CCDC85A: variants seen among roughly 807,000 people sequenced by gnomAD.
The protein encoded by CCDC85A is coiled-coil domain containing 85A, also known as coiled-coil domain-containing protein 85A.
In CCDC85A, 38 loss-of-function variants were observed where a neutral mutation model predicts 50.2. The ratio of observed to expected loss-of-function variants is 0.76; its 90% confidence interval spans 0.58 to 0.99. The LOEUF is 0.99. Among genes scored for constraint, CCDC85A ranks in the 50% least tolerant of loss-of-function variants. The probability of loss-of-function intolerance (pLI) is 0.00; values close to 1 mark genes in which losing one functional copy is unlikely to be tolerated. For synonymous variants in CCDC85A, 366 were observed against 301.4 expected (o/e 1.21, Z -2.22); for missense variants, 820 against 742.0 (o/e 1.11, Z -1.22).
At chr2:56,330,375 C>T (rs1191303942) in intron 2 of CCDC85A, among the ~76,000 whole-genome samples, 1 of 152,158 alleles carries the variant, frequency 6.6e-6, no homozygotes, top group Non-Finnish European at 1.5e-5. Flanking sequence ...CTGAGCCAGA[C>T]TTCTGTTTAG....
chr2:56,354,867 T>G (rs957187225), intron 3 of CCDC85A, among the ~76,000 whole-genome samples: 6 of 152,194 alleles, frequency 3.9e-5, no homozygotes, highest in Admixed American at 6.5e-5. Flanking sequence ...ACATCAATAA[T>G]CAATGGAGTC....
At chr2:56,222,146 A>G (rs1183337642) in intron 2 of CCDC85A, among the ~76,000 whole-genome samples, 5 of 152,134 alleles carry the variant, frequency 3.3e-5, no homozygotes, top group Admixed American at 6.6e-5. Context: ...TATGGGGGAC[A>G]TATTCTAACC....
chr2:56,291,015 T>A (rs1490254331), intron 2 of CCDC85A, among the ~76,000 whole-genome samples: 2 of 152,180 alleles, frequency 1.3e-5, no homozygotes, highest in African/African-American at 4.8e-5. Context: ...ACCATGTAAC[T>A]CTTTTGGGGG....
chr2:56,372,233 CA>C, intron 3 of CCDC85A, 110 bp from the exon 4 acceptor site: 11 of 1,063,084 alleles, frequency 1.0e-5, no homozygotes, highest in Non-Finnish European at 1.4e-5. Flanking sequence ...TACAGCTTGC[CA>C]TTGTGGTCAT....
At chr2:56,306,593 C>G (rs1424322286) in intron 2 of CCDC85A, among the ~76,000 whole-genome samples, 1 of 152,122 alleles carries the variant, frequency 6.6e-6, no homozygotes, top group Non-Finnish European at 1.5e-5. Flanking sequence ...GTTGTATAAG[C>G]AGTTATGTCA....
chr2:56,254,618 C>T (rs1212721606), intron 2 of CCDC85A, among the ~76,000 whole-genome samples: 4 of 151,148 alleles, frequency 2.6e-5, no homozygotes, highest in South Asian at 2.1e-4. Flanking sequence ...CGCATGGTGT[C>T]CCTGATCTCA....
chr2:56,261,385 A>C (rs534823683), intron 2 of CCDC85A, among the ~76,000 whole-genome samples: 2 of 152,348 alleles, frequency 1.3e-5, no homozygotes, highest in East Asian at 3.9e-4. Flanking sequence ...ACTCTGGCAC[A>C]GCCCTGCTGC....
intron 2 of CCDC85A, among the ~76,000 whole-genome samples, chr2:56,252,681 A>G (rs1364185916): frequency 6.6e-6 from 1 of 152,042 alleles, no homozygotes; most frequent in Non-Finnish European, 1.5e-5. Context: ...TCCTAATGTT[A>G]TCCCTCCTCG....
chr2:56,196,919 C>T (rs867416765), intron 2 of CCDC85A, among the ~76,000 whole-genome samples: 1 of 151,120 alleles, frequency 6.6e-6, no homozygotes, highest in Non-Finnish European at 1.5e-5. Flanking sequence ...GTTTAATTAT[C>T]CTGGTGGGTC....
intron 2 of CCDC85A, among the ~76,000 whole-genome samples, chr2:56,299,962 G>T (rs1672126082): frequency 1.3e-5 from 2 of 152,244 alleles, no homozygotes; most frequent in South Asian, 4.1e-4. Context: ...ATGTGTAGTA[G>T]GCCCTGTTCT....
intron 2 of CCDC85A, among the ~76,000 whole-genome samples, chr2:56,297,079 T>G (rs1671984228): frequency 6.6e-6 from 1 of 152,212 alleles, no homozygotes. Context: ...TTGCAAGCAC[T>G]GCTTTTTTCT....
intron 1 of CCDC85A, 156 bp downstream of exon 1, chr2:56,185,056 A>G: frequency 1.1e-6 from 1 of 882,326 alleles, no homozygotes; most frequent in Non-Finnish European, 1.6e-6. Flanking sequence ...GCCCCTGTGT[A>G]ACTTTTCCAA....
At chr2:56,314,927 G>T (rs1017542601) in intron 2 of CCDC85A, among the ~76,000 whole-genome samples, 15 of 152,098 alleles carry the variant, frequency 9.9e-5, no homozygotes, top group Admixed American at 9.2e-4. Flanking sequence ...AGAGGAAAGG[G>T]TGTGGATAGA....
intron 2 of CCDC85A, among the ~76,000 whole-genome samples, chr2:56,307,632 G>A (rs1383709061): frequency 6.6e-6 from 1 of 152,050 alleles, no homozygotes; most frequent in Non-Finnish European, 1.5e-5. Context: ...TATCCTTATA[G>A]TAATTCCACA....
chr2:56,201,800 T>G (rs1676758529), intron 2 of CCDC85A, among the ~76,000 whole-genome samples: 2 of 152,260 alleles, frequency 1.3e-5, no homozygotes, highest in East Asian at 3.9e-4. Flanking sequence ...GAGGGCAATA[T>G]AGCTGTATTT....
rs369810368 is a variant in CCDC85A, at chr2:56,322,746, A to G, written c.1241-20133A>G. ...TGCAAGACAGTGTGGTGATTCCTCA[A>G]GGATCTAGAACTAGAAATACCATAT... On this transcript the variant is annotated intron_variant, in intron 2 of 5. Transcript: ENST00000407595. Among the ~76,000 whole-genome samples, 7 of 152,282 alleles carry G rather than the reference A, an allele frequency of 4.6e-5. No homozygotes were observed. The East Asian group carries it at 1.4e-3, about 29-fold the overall frequency.
chr2:56,268,368 C>G (rs1332914949), intron 2 of CCDC85A, among the ~76,000 whole-genome samples: 1 of 152,030 alleles, frequency 6.6e-6, no homozygotes, highest in Non-Finnish European at 1.5e-5. Flanking sequence ...GAGGCCAGCA[C>G]TTTGGGCTGA....
intron 2 of CCDC85A, among the ~76,000 whole-genome samples, chr2:56,237,110 A>G (rs748667589): frequency 4.6e-5 from 7 of 152,226 alleles, no homozygotes; most frequent in Non-Finnish European, 1.0e-4. Flanking sequence ...TTATGTTGGG[A>G]TTCTCTCTGA....
At chr2:56,255,460 A>G (rs1669942453) in intron 2 of CCDC85A, among the ~76,000 whole-genome samples, 4 of 152,140 alleles carry the variant, frequency 2.6e-5, no homozygotes, top group Admixed American at 1.3e-4. Flanking sequence ...AAAAGATGGT[A>G]AGAACTGTAC....
Sources: allele counts gnomAD v4.1 joint callset (sites outside exome capture counted in the v4.1 genomes callset), GRCh38; gene constraint gnomAD v4.1.1; transcripts MANE v1.5; gene names NCBI Gene and HGNC (gene_info 2026-07-23, HGNC 2026-07-21).